The following CNKSR3 variants were observed in gnomAD, a reference collection of about 807,000 sequenced individuals.
CNKSR3 encodes CNKSR family member 3, also known as connector enhancer of kinase suppressor of ras 3.
A neutral mutation model predicts 67.7 loss-of-function variants in CNKSR3; 36 were observed. The observed-to-expected ratio is 0.53, with a 90% CI of 0.41 to 0.70. The LOEUF is 0.70. CNKSR3 is among the 30% of genes least tolerant of loss of function. The pLI is 0.00. For synonymous variants in CNKSR3, 281 were observed against 271.4 expected, an observed-to-expected ratio of 1.04 and a Z score of -0.35; for missense variants, 630 against 695.2, an observed-to-expected ratio of 0.91 and a Z score of 1.05.
intron 10 of CNKSR3, among the ~76,000 whole-genome samples, chr6:154,413,876 T>C (rs1784959764): frequency 6.6e-6 from 1 of 152,106 alleles, no homozygotes. Flanking sequence ...ACCTCCTGAG[T>C]AGCTGGGACT....
At position 154,394,691 on chromosome 6, in the gene CNKSR3, AATT is replaced by A. The variant is rs1784641392; in HGVS notation, c.*11660_*11662del. On this transcript the variant is annotated 3_prime_UTR_variant, in exon 13 of 13. Coordinates refer to ENST00000607772, the MANE Select transcript of CNKSR3 (RefSeq NM_173515.4). ...GAAAATAAAAAGCAGAAATCAGTGAAATTGAAAACAAAGAAACAACAGAAAGGC... is the reference window on the plus strand; with the variant it reads ...GAAAATAAAAAGCAGAAATCAGTGAAGAAAACAAAGAAACAACAGAAAGGC... 1 of 152,042 alleles carries A rather than the reference AATT, an allele frequency of 6.6e-6. No individual in the cohort carries two copies. The highest frequency in any genetic ancestry group is 1.5e-5 in the Non-Finnish European group (1 of 68,016). The allele number at this position is 152,042 out of a possible 1,614,324, so 9.4% of individuals were successfully genotyped here.
intron 11 of CNKSR3, among the ~76,000 whole-genome samples, 187 bp from the exon 12 acceptor site, chr6:154,410,619 T>C (rs1342691336): frequency 6.6e-6 from 1 of 152,120 alleles, no homozygotes; most frequent in East Asian, 1.9e-4. Context: ...GCTACTAAGA[T>C]AGAGGCACAT....
intron 1 of CNKSR3, among the ~76,000 whole-genome samples, chr6:154,451,318 C>T (rs1217817165): frequency 1.3e-5 from 2 of 152,054 alleles, no homozygotes; most frequent in East Asian, 3.9e-4. Flanking sequence ...TCTATTGAAG[C>T]CTAATAATAA....
chr6:154,463,939 A>G (rs969234082), intron 1 of CNKSR3, among the ~76,000 whole-genome samples: 4 of 152,156 alleles, frequency 2.6e-5, no homozygotes, highest in African/African-American at 7.2e-5. Flanking sequence ...CACCACCTTC[A>G]TGCCAAACCC....
At chr6:154,498,489 C>G (rs1786921237) in intron 1 of CNKSR3, among the ~76,000 whole-genome samples, 1 of 152,204 alleles carries the variant, frequency 6.6e-6, no homozygotes, top group South Asian at 2.1e-4. Context: ...CCACAATCAG[C>G]AGAAACCAGA....
At chr6:154,426,812 C>G (rs1785266231) in intron 7 of CNKSR3, among the ~76,000 whole-genome samples, 1 of 152,190 alleles carries the variant, frequency 6.6e-6, no homozygotes, top group Non-Finnish European at 1.5e-5. Flanking sequence ...ACAACGTAAT[C>G]ATCAAATTGC....
rs915313747 is a variant in CNKSR3, at chr6:154,392,829, A to G, written c.*13525T>C. The G allele has an allele frequency of 1.3e-5, 2 of 152,278 alleles. No homozygotes were observed. The highest frequency in any genetic ancestry group is 4.8e-5 in the African/African-American group (2 of 41,460). The allele number at this position is 152,278 out of a possible 1,614,324, so 9.4% of individuals were successfully genotyped here. A position where few individuals can be genotyped will look rare whatever the true frequency, so the allele number is the denominator to read the frequency against. Reference sequence around the variant, plus strand: ...TTGCCAGTTTCCATGGAGCTCCACAAGAGCCTGACTTCTTTTCTGGGAAAC... The same window carrying G: ...TTGCCAGTTTCCATGGAGCTCCACAGGAGCCTGACTTCTTTTCTGGGAAAC... On this transcript the variant is annotated 3_prime_UTR_variant, in exon 13 of 13. Transcript: ENST00000607772.
chr6:154,492,175 C>T (rs1437825917), intron 1 of CNKSR3, among the ~76,000 whole-genome samples: 1 of 152,190 alleles, frequency 6.6e-6, no homozygotes, highest in African/African-American at 2.4e-5. Context: ...GGGAACACCT[C>T]CTTCGCTTGC....
intron 1 of CNKSR3, among the ~76,000 whole-genome samples, chr6:154,495,125 C>T (rs1431945107): frequency 6.6e-6 from 1 of 152,208 alleles, no homozygotes; most frequent in Non-Finnish European, 1.5e-5. Context: ...TATTCTAACA[C>T]ATTTCGCGTG....
At chr6:154,419,746 G>A (rs1785099751) in intron 9 of CNKSR3, among the ~76,000 whole-genome samples, 1 of 152,094 alleles carries the variant, frequency 6.6e-6, no homozygotes, top group South Asian at 2.1e-4. Flanking sequence ...GGAAAATGTG[G>A]TGTATATACA....
At chr6:154,496,253 C>A (rs112402388) in intron 1 of CNKSR3, among the ~76,000 whole-genome samples, 4 of 152,046 alleles carry the variant, frequency 2.6e-5, no homozygotes, top group African/African-American at 9.7e-5. Context: ...AAGCCAACCC[C>A]GACAAAACTA....
intron 4 of CNKSR3, among the ~76,000 whole-genome samples, chr6:154,434,325 A>G (rs1030318369): frequency 6.6e-6 from 1 of 152,234 alleles, no homozygotes; most frequent in African/African-American, 2.4e-5. Flanking sequence ...CATGCAGAAA[A>G]AAAAAATCGA....
chr6:154,486,627 G>T (rs1225235739), intron 1 of CNKSR3, among the ~76,000 whole-genome samples: 1 of 150,278 alleles, frequency 6.7e-6, no homozygotes, highest in Admixed American at 6.6e-5. Context: ...CAAGTAGCTG[G>T]GATTACAGGC....
chr6:154,395,096 G>C lies in CNKSR3; in HGVS notation c.*11258C>G, dbSNP rs970377894. The stretch of plus-strand genomic sequence containing the variant: ...AAGTGGAACGGAGGTGCCCAGGGCA[G>C]GAGAGCAGGGCTTCCTGGCAAGCTT... On this transcript the variant is annotated 3_prime_UTR_variant, in exon 13 of 13. Coordinates refer to ENST00000607772, the MANE Select transcript of CNKSR3 (RefSeq NM_173515.4). The C allele has an allele frequency of 2.0e-5, 3 of 152,212 alleles. No homozygotes were observed. The East Asian group carries it at 5.8e-4, about 29-fold the overall frequency. The allele number at this position is 152,212 out of a possible 1,614,324, so 9.4% of individuals were successfully genotyped here. A position where few individuals can be genotyped will look rare whatever the true frequency, so the allele number is the denominator to read the frequency against.
intron 2 of CNKSR3, among the ~76,000 whole-genome samples, chr6:154,444,558 C>T (rs1785667294): frequency 1.3e-5 from 2 of 151,554 alleles, no homozygotes; most frequent in African/African-American, 2.4e-5. Context: ...AGCTGAATAG[C>T]TATTCAGCTT....
At chr6:154,498,643 C>T (rs1786924195) in intron 1 of CNKSR3, among the ~76,000 whole-genome samples, 1 of 152,202 alleles carries the variant, frequency 6.6e-6, no homozygotes, top group Non-Finnish European at 1.5e-5. Context: ...ATTCCTGTTA[C>T]AAGTCTCAGG....
chr6:154,475,855 C>G (rs1786434795), intron 1 of CNKSR3, among the ~76,000 whole-genome samples: 1 of 151,260 alleles, frequency 6.6e-6, no homozygotes, highest in African/African-American at 2.5e-5. Context: ...AATAAATAAC[C>G]ACCATTGTCA....
intron 12 of CNKSR3, among the ~76,000 whole-genome samples, 195 bp from the exon 13 acceptor site, chr6:154,406,847 G>T (rs1454292697): frequency 1.3e-5 from 2 of 151,898 alleles, no homozygotes; most frequent in Non-Finnish European, 2.9e-5. Flanking sequence ...GGCGCCTGTA[G>T]TCCCAGCTAC....
At chr6:154,426,380 G>A (rs1186419124) in intron 7 of CNKSR3, among the ~76,000 whole-genome samples, 2 of 78,094 alleles carry the variant, frequency 2.6e-5, no homozygotes, top group African/African-American at 4.9e-5. Flanking sequence ...ATTTATTTGA[G>A]ACAGAGTCTT....
Sources: gnomAD v4.1 joint callset for allele counts (sites outside exome capture counted in the v4.1 genomes callset) on GRCh38, gnomAD v4.1.1 for gene constraint, MANE v1.5 for transcripts, NCBI Gene and HGNC (gene_info 2026-07-23, HGNC 2026-07-21) for gene names.